SEC11A: variants seen among roughly 807,000 people sequenced by gnomAD.
SEC11A encodes the protein signal peptidase complex catalytic subunit SEC11A.
In SEC11A, 14 loss-of-function variants were observed where a neutral mutation model predicts 25.6. That is an observed-to-expected ratio of 0.55 (90% CI 0.36 to 0.85). SEC11A has a LOEUF of 0.85. SEC11A is among the 40% of genes least tolerant of loss of function. The pLI, the probability that SEC11A is intolerant of heterozygous loss-of-function variation, is 0.01. For synonymous variants in SEC11A, 83 were observed against 76.4 expected (o/e 1.09, Z -0.45); for missense variants, 153 against 222.9 (o/e 0.69, Z 2.00).
At chr15:84,688,238 C>G (rs934232265) in intron 2 of SEC11A, among the ~76,000 whole-genome samples, 9 of 152,120 alleles carry the variant, frequency 5.9e-5, no homozygotes, top group African/African-American at 2.2e-4. Context: ...ATGTTCAACT[C>G]ATTTAGAAGG....
intron 1 of SEC11A, among the ~76,000 whole-genome samples, chr15:84,714,320 C>T (rs1898389648): frequency 6.6e-6 from 1 of 152,170 alleles, no homozygotes; most frequent in Non-Finnish European, 1.5e-5. Flanking sequence ...AGTCTACCTT[C>T]TGTCTTAAGC....
chr15:84,690,753 G>A (rs1897580992), intron 2 of SEC11A, among the ~76,000 whole-genome samples: 1 of 152,152 alleles, frequency 6.6e-6, no homozygotes, highest in Admixed American at 6.5e-5. Flanking sequence ...GTTTAGAAGT[G>A]ATATTTAAAG....
intron 1 of SEC11A, among the ~76,000 whole-genome samples, chr15:84,697,183 G>A (rs1281139532): frequency 6.6e-6 from 1 of 152,090 alleles, no homozygotes; most frequent in Non-Finnish European, 1.5e-5. Flanking sequence ...GATTGCTTGA[G>A]CCCAGGAGGT....
chr15:84,689,828 G>A (rs1047113308), intron 2 of SEC11A, among the ~76,000 whole-genome samples: 2 of 151,974 alleles, frequency 1.3e-5, no homozygotes, highest in Non-Finnish European at 2.9e-5. Context: ...GGCTGGTCTC[G>A]AACTCCTAGC....
intron 1 of SEC11A, among the ~76,000 whole-genome samples, chr15:84,713,240 G>T (rs1473162263): frequency 6.6e-6 from 1 of 151,110 alleles, no homozygotes; most frequent in African/African-American, 2.4e-5. Context: ...TTAAATGGAT[G>T]GAGTTCATTT....
intron 1 of SEC11A, among the ~76,000 whole-genome samples, chr15:84,708,141 G>A (rs1001503754): frequency 6.9e-6 from 1 of 145,214 alleles, no homozygotes; most frequent in Non-Finnish European, 1.5e-5. Context: ...AACCCAGGAG[G>A]CAGAGGTTGC....
chr15:84,691,740 A>G (rs1328776514), intron 1 of SEC11A, 96 bp from the exon 2 acceptor site: 4 of 678,426 alleles, frequency 5.9e-6, no homozygotes, highest in Non-Finnish European at 1.0e-5. Context: ...AAGCAGTACT[A>G]TTAGGACAAC....
Position 84,670,752 on chromosome 15 carries a change from G to A in SEC11A, c.462C>T (p.Ile154=). 1 of 1,461,280 alleles carries A rather than the reference G, an allele frequency of 6.8e-7. No individual in the cohort carries two copies. The highest frequency in any genetic ancestry group is 9.4e-7 in the Non-Finnish European group (1 of 1,068,684). 90.5% of individuals were successfully genotyped at this position (1,461,280 alleles called of 1,614,324 possible). A position where few individuals can be genotyped will look rare whatever the true frequency, so the allele number is the denominator to read the frequency against. The change falls in exon 5 of 6, where the codon ATC becomes ATT. Residue 154 remains isoleucine (I), a synonymous_variant. Coordinates refer to ENST00000268220, the MANE Select transcript of SEC11A (RefSeq NM_014300.4). The part of the protein sequence containing the change: ...GFVPYIGIVT[I]LMNDYPKFKY... ...TAAATTTAGGATAGTCATTCATGAGGATCGTCACAATTCCAATATAAGGAA... is the reference window on the plus strand; with the variant it reads ...TAAATTTAGGATAGTCATTCATGAGAATCGTCACAATTCCAATATAAGGAA...
intron 2 of SEC11A, among the ~76,000 whole-genome samples, chr15:84,690,736 G>A (rs1897580709): frequency 6.6e-6 from 1 of 152,114 alleles, no homozygotes; most frequent in Non-Finnish European, 1.5e-5. Flanking sequence ...AAAATTCCTG[G>A]AGTCTAGTTT....
intron 1 of SEC11A, among the ~76,000 whole-genome samples, chr15:84,696,983 G>T (rs942261025): frequency 1.3e-5 from 2 of 149,752 alleles, no homozygotes; most frequent in Admixed American, 6.7e-5. Context: ...AGGAGTTCGA[G>T]TTCAGCCTGG....
intron 1 of SEC11A, among the ~76,000 whole-genome samples, chr15:84,710,941 G>A (rs1237428194): frequency 1.3e-5 from 2 of 151,824 alleles, no homozygotes; most frequent in African/African-American, 4.8e-5. Context: ...GTGATCACAC[G>A]CACCTATAGT....
intron 4 of SEC11A, among the ~76,000 whole-genome samples, chr15:84,674,548 T>C (rs556626884): frequency 8.6e-5 from 13 of 151,120 alleles, no homozygotes; most frequent in African/African-American, 3.2e-4. Context: ...GAATAATCCA[T>C]GGAATTTAAA....
At chr15:84,678,422 T>A (rs79817680) in intron 4 of SEC11A, among the ~76,000 whole-genome samples, 1,577 of 152,208 alleles carry the variant, frequency 0.01, 18 homozygotes, top group Non-Finnish European at 0.017. Context: ...ATAATAAGGA[T>A]ATTTATCATA....
At chr15:84,684,548 G>C (rs1171365589) in intron 3 of SEC11A, among the ~76,000 whole-genome samples, 1 of 152,050 alleles carries the variant, frequency 6.6e-6, no homozygotes, top group African/African-American at 2.4e-5. Flanking sequence ...CATGAGAACA[G>C]ACTAATATAC....
At chr15:84,676,639 C>CTAATCCCAGCTACTCAGGAAGCTG (rs796100721) in intron 4 of SEC11A, among the ~76,000 whole-genome samples, 24 of 150,656 alleles carry the variant, frequency 1.6e-4, no homozygotes, top group African/African-American at 5.6e-4. Context: ...CTGGGCATGG[C>CTAATCCCAGCTACTCAGGAAGCTG]TAATCCCAGC....
intron 1 of SEC11A, among the ~76,000 whole-genome samples, chr15:84,714,024 T>A (rs941497027): frequency 6.9e-5 from 10 of 144,572 alleles, no homozygotes; most frequent in African/African-American, 2.3e-4. Flanking sequence ...CCTTCTTTTT[T>A]TTTTTTTTTT....
chr15:84,671,209 G>C (rs533113735), intron 4 of SEC11A: 1 of 153,184 alleles, frequency 6.5e-6, no homozygotes, highest in Admixed American at 6.5e-5. Flanking sequence ...CAAAAAGTGA[G>C]TGTAAGAGCT....
rs1305179647 is a variant in SEC11A, at chr15:84,669,992, C to G, written c.*27G>C. 9.9e-6 allele frequency: 16 copies of G among 1,613,488 alleles called. No individual in the cohort carries two copies. The highest frequency in any genetic ancestry group is 1.3e-5 in the Non-Finnish European group (15 of 1,179,768). On this transcript the variant is annotated 3_prime_UTR_variant, in exon 6 of 6. Coordinates refer to ENST00000268220, the MANE Select transcript of SEC11A (RefSeq NM_014300.4). ...CATCCAGTAACGAAAACTATGGCAT[C>G]TTCCCAGGAACAGCAAGGCAGGCTT...
At chr15:84,683,416 C>G (rs1897329017) in intron 3 of SEC11A, among the ~76,000 whole-genome samples, 1 of 150,352 alleles carries the variant, frequency 6.7e-6, no homozygotes, top group South Asian at 2.1e-4. Context: ...AACAAACAAA[C>G]AAACAAACTA....
Sources: allele counts gnomAD v4.1 joint callset (sites outside exome capture counted in the v4.1 genomes callset), GRCh38; gene constraint gnomAD v4.1.1; transcripts MANE v1.5; gene names NCBI Gene and HGNC (gene_info 2026-07-23, HGNC 2026-07-21).